Variants in DTD1 observed in about 807,000 individuals in gnomAD.
The protein encoded by DTD1 is D-aminoacyl-tRNA deacylase 1, also known as D-tyrosyl-tRNA deacylase 1 homolog.
A neutral mutation model predicts 25.6 loss-of-function variants in DTD1; 13 were observed. The ratio of observed to expected loss-of-function variants is 0.51; its 90% confidence interval spans 0.33 to 0.81. The LOEUF is 0.81. Ranked by LOEUF, DTD1 falls within the 30% of genes least tolerant of loss-of-function variation. DTD1 has a pLI of 0.02. For missense variants in DTD1, 193 were observed against 266.4 expected (o/e 0.72, Z 1.92); for synonymous variants, 110 against 103.6 (o/e 1.06, Z -0.37).
Position 18,595,429 on chromosome 20 carries a change from G to A in DTD1, c.135-577G>A, listed in dbSNP as rs568510520. Among the ~76,000 whole-genome samples, 17 of 152,118 alleles carry A rather than the reference G, an allele frequency of 1.1e-4. No homozygotes were observed. In the South Asian group the frequency reaches 2.9e-3, roughly 26 times the overall value. On this transcript the variant is annotated intron_variant, in intron 2 of 5. Coordinates refer to ENST00000377452, the MANE Select transcript of DTD1 (RefSeq NM_080820.6). ...TTAAAGGCGCCCGCCACCATGCCTG[G>A]CTAACTTTTGTAGTTTTAGTAGTAG...
intron 5 of DTD1, among the ~76,000 whole-genome samples, chr20:18,750,867 C>T (rs2061318852): frequency 6.6e-6 from 1 of 152,214 alleles, no homozygotes; most frequent in South Asian, 2.1e-4. Context: ...ATTGACTTAG[C>T]TGCTGTAATT....
chr20:18,698,957 C>G (rs2073658741), intron 4 of DTD1, among the ~76,000 whole-genome samples: 1 of 152,140 alleles, frequency 6.6e-6, no homozygotes, highest in African/African-American at 2.4e-5. Context: ...ACAGCAGTGC[C>G]CTTACACCCT....
chr20:18,687,395 G>A (rs1311425455), intron 4 of DTD1, among the ~76,000 whole-genome samples: 5 of 152,184 alleles, frequency 3.3e-5, no homozygotes, highest in Non-Finnish European at 7.4e-5. Context: ...AGAGGGATTA[G>A]AACTTGTACA....
chr20:18,697,559 A>G (rs1304858280), intron 4 of DTD1, among the ~76,000 whole-genome samples: 2 of 152,254 alleles, frequency 1.3e-5, no homozygotes, highest in South Asian at 2.1e-4. Context: ...TTCAAAATCC[A>G]AAATTCTCCA....
intron 4 of DTD1, among the ~76,000 whole-genome samples, chr20:18,665,437 G>A (rs1482010533): frequency 6.6e-6 from 1 of 152,226 alleles, no homozygotes. Flanking sequence ...AGTGCCAGCC[G>A]TGGAGTCAGA....
intron 4 of DTD1, among the ~76,000 whole-genome samples, chr20:18,727,762 G>A (rs956092362): frequency 1.3e-5 from 2 of 152,186 alleles, no homozygotes; most frequent in Non-Finnish European, 2.9e-5. Flanking sequence ...TGTGACCTTT[G>A]TGCATGGCTT....
At chr20:18,705,127 A>G (rs964030311) in intron 4 of DTD1, among the ~76,000 whole-genome samples, 1 of 152,196 alleles carries the variant, frequency 6.6e-6, no homozygotes, top group Admixed American at 6.5e-5. Context: ...TTTCCATCAC[A>G]GATAATTCGG....
intron 5 of DTD1, among the ~76,000 whole-genome samples, chr20:18,744,760 C>T (rs1032532928): frequency 6.6e-6 from 1 of 152,088 alleles, no homozygotes; most frequent in Non-Finnish European, 1.5e-5. Context: ...CAGTTACCTC[C>T]CACCAGGCCC....
chr20:18,676,924 A>G (rs549322488), intron 4 of DTD1, among the ~76,000 whole-genome samples: 3 of 152,156 alleles, frequency 2.0e-5, no homozygotes, highest in Non-Finnish European at 4.4e-5. Context: ...GGAGAAAGGA[A>G]CTCACATTTA....
intron 5 of DTD1, among the ~76,000 whole-genome samples, chr20:18,754,499 T>C (rs891906771): frequency 2.6e-5 from 4 of 152,212 alleles, no homozygotes; most frequent in Non-Finnish European, 5.9e-5. Flanking sequence ...CTTCAGTAGC[T>C]CTTAGAGGGA....
chr20:18,634,854 C>G (rs976404079), intron 4 of DTD1, among the ~76,000 whole-genome samples: 5 of 152,182 alleles, frequency 3.3e-5, no homozygotes, highest in African/African-American at 9.7e-5. Context: ...AGGTGGCTTG[C>G]TTCTACCAGG....
intron 4 of DTD1, among the ~76,000 whole-genome samples, chr20:18,709,847 G>A (rs6075401): frequency 0.13 from 19,865 of 151,986 alleles, 1,606 homozygotes; most frequent in South Asian, 0.18. Context: ...AGGGAGGGGT[G>A]GGACACTTTC....
At chr20:18,715,846 C>T (rs1323369790) in intron 4 of DTD1, among the ~76,000 whole-genome samples, 1 of 152,142 alleles carries the variant, frequency 6.6e-6, no homozygotes, top group Non-Finnish European at 1.5e-5. Flanking sequence ...TCCTGCGCTG[C>T]TTTATCTCGG....
At chr20:18,688,563 T>C (rs2061027098) in intron 4 of DTD1, among the ~76,000 whole-genome samples, 1 of 152,118 alleles carries the variant, frequency 6.6e-6, no homozygotes, top group Non-Finnish European at 1.5e-5. Context: ...GCGGCTTTCC[T>C]ACATAATGTC....
chr20:18,593,086 C>CT lies in DTD1; in HGVS notation c.44-635dup, dbSNP rs35740726. ...AATGTTAGGAGTGTGTGCTTAGAGCCTTTTTTTTTTCAAATGGACAAGATG... is the reference window on the plus strand; with the variant it reads ...AATGTTAGGAGTGTGTGCTTAGAGCCTTTTTTTTTTTCAAATGGACAAGATG... On this transcript the variant is annotated intron_variant, in intron 1 of 5. Coordinates refer to ENST00000377452, the MANE Select transcript of DTD1 (RefSeq NM_080820.6). 1.1e-3 allele frequency among the ~76,000 whole-genome samples: 156 copies of CT among 145,586 alleles called. 1 individual carries two copies. Among genetic ancestry groups the CT allele is most frequent in the South Asian group, 8.6e-3 (39 of 4,516 alleles).
At chr20:18,715,769 C>T (rs1416731248) in intron 4 of DTD1, among the ~76,000 whole-genome samples, 1 of 152,164 alleles carries the variant, frequency 6.6e-6, no homozygotes, top group African/African-American at 2.4e-5. Flanking sequence ...TTCCCATAAA[C>T]TCTAAAGGCT....
At chr20:18,593,577 ATGTAACTC>A (rs1337583478) in intron 1 of DTD1, among the ~76,000 whole-genome samples, 146 bp from the exon 2 acceptor site, 1 of 152,220 alleles carries the variant, frequency 6.6e-6, no homozygotes, top group Non-Finnish European at 1.5e-5. Context: ...CACTGCATTT[ATGTAACTC>A]TTTTCATTTT....
chr20:18,689,035 C>T (rs1213820880), intron 4 of DTD1, among the ~76,000 whole-genome samples: 2 of 152,190 alleles, frequency 1.3e-5, no homozygotes, highest in Non-Finnish European at 2.9e-5. Context: ...ATTTCTAATA[C>T]TCGTGCTAGG....
At chr20:18,695,630 T>C in intron 4 of DTD1, among the ~76,000 whole-genome samples, 2 of 80,784 alleles carry the variant, frequency 2.5e-5, no homozygotes, top group African/African-American at 5.1e-5. Flanking sequence ...TCCTTCTCTC[T>C]CTCTCTCTCC....
Sources: allele counts gnomAD v4.1 joint callset (sites outside exome capture counted in the v4.1 genomes callset), GRCh38; gene constraint gnomAD v4.1.1; transcripts MANE v1.5; gene names NCBI Gene and HGNC (gene_info 2026-07-23, HGNC 2026-07-21).